The following CDHR3 variants were observed in gnomAD, a reference collection of about 807,000 sequenced individuals.
CDHR3 encodes cadherin related family member 3.
A neutral mutation model predicts 86.6 loss-of-function variants in CDHR3; 79 were observed. That is an observed-to-expected ratio of 0.91 (90% CI 0.76 to 1.10). CDHR3 has a LOEUF of 1.10. Among genes scored for constraint, CDHR3 ranks in the 50% least tolerant of loss-of-function variants. The pLI is 0.00. For synonymous variants in CDHR3, 421 were observed against 402.4 expected, an observed-to-expected ratio of 1.05 and a Z score of -0.55; for missense variants, 1,081 against 1,077.6, an observed-to-expected ratio of 1.00 and a Z score of -0.04.
chr7:105,994,788 C>T lies in CDHR3; in HGVS notation c.551C>T (p.Ser184Phe). 1 of 1,612,732 alleles carries T rather than the reference C, an allele frequency of 6.2e-7. No homozygotes were observed. The change falls in exon 5 of 19, where the codon TCT becomes TTT. Residue 184 changes from serine (S) to phenylalanine (F), a missense_variant. Physicochemically the swap from Ser to Phe is radical, Grantham distance 155. Transcript: ENST00000317716. ...TCTCCCCCAAAGAGCTTCAGAATGT[C>T]TGCTAATGGCACCCTCTTCTCCACA... ...LISPPKSFRM[S>F]ANGTLFSTTE...
chr7:106,004,693 C>T lies in CDHR3; in HGVS notation c.1052+6C>T. ...TGCCAAAAGTTCACCTTCAGGTATG[C>T]ACACTTTGAAAGTTGGGCTGGACAT... On this transcript the variant is annotated splice_donor_region_variant and intron_variant, in intron 8 of 18. Coordinates refer to ENST00000317716, the MANE Select transcript of CDHR3 (RefSeq NM_152750.5). 6.2e-7 allele frequency: 1 copy of T among 1,613,836 alleles called. No individual in the cohort carries two copies. The highest frequency in any genetic ancestry group is 1.3e-5 in the African/African-American group (1 of 75,050).
chr7:106,019,673 C>T (rs975745159), intron 12 of CDHR3, among the ~76,000 whole-genome samples: 1 of 152,162 alleles, frequency 6.6e-6, no homozygotes, highest in African/African-American at 2.4e-5. Flanking sequence ...TAGGCTGGCC[C>T]CTGCTTATGG....
chr7:106,032,313 C>A, intron 18 of CDHR3, 80 bp from the exon 19 acceptor site: 1 of 1,367,760 alleles, frequency 7.3e-7, no homozygotes, highest in Non-Finnish European at 1.0e-6. Flanking sequence ...GGAGTCAGAA[C>A]AGAGCAGGGT....
rs987903222 is a variant in CDHR3 at position 106,027,955 on chromosome 7, T to C, written c.2273-596T>C. Among the ~76,000 whole-genome samples the C allele has an allele frequency of 2.0e-5, 3 of 151,704 alleles. No homozygotes were observed. The South Asian group carries it at 6.3e-4, about 32-fold the overall frequency. On this transcript the variant is annotated intron_variant, in intron 16 of 18. Coordinates refer to ENST00000317716, the MANE Select transcript of CDHR3 (RefSeq NM_152750.5). Reference sequence around the variant, plus strand: ...GCTTGGGCAAGATAGTGAAACCCTGTCTGTAGAAAAAAAATTTTTAAATTA... The same window carrying C: ...GCTTGGGCAAGATAGTGAAACCCTGCCTGTAGAAAAAAAATTTTTAAATTA...
intron 1 of CDHR3, among the ~76,000 whole-genome samples, chr7:105,969,660 C>G (rs1421480687): frequency 6.6e-6 from 1 of 152,202 alleles, no homozygotes; most frequent in African/African-American, 2.4e-5. Context: ...TGTTCCTGAT[C>G]CAAGACAGTG....
At chr7:106,007,385 T>G (rs929028258) in intron 8 of CDHR3, among the ~76,000 whole-genome samples, 2 of 152,254 alleles carry the variant, frequency 1.3e-5, no homozygotes, top group South Asian at 2.1e-4. Context: ...TCTATCGCAT[T>G]GTCAGGCTGC....
chr7:106,017,680 G>T (rs935427675), intron 11 of CDHR3, among the ~76,000 whole-genome samples, 166 bp from the exon 12 acceptor site: 1 of 151,896 alleles, frequency 6.6e-6, no homozygotes, highest in African/African-American at 2.4e-5. Context: ...GCGGGTGTTG[G>T]TTAGCATTAT....
intron 6 of CDHR3, among the ~76,000 whole-genome samples, chr7:105,996,820 G>A (rs899725074): frequency 1.3e-5 from 2 of 152,134 alleles, no homozygotes; most frequent in African/African-American, 4.8e-5. Flanking sequence ...GTTTCTTCCT[G>A]CCATGGTGGA....
At position 105,984,884 on chromosome 7, in the gene CDHR3, C is replaced by A. The variant is rs573805500; in HGVS notation, c.513+595C>A. Among the ~76,000 whole-genome samples the A allele has an allele frequency of 2.2e-4, 33 of 152,134 alleles. 1 individual carries two copies. In the South Asian group the frequency reaches 4.4e-3, roughly 20 times the overall value. On this transcript the variant is annotated intron_variant, in intron 4 of 18. Coordinates refer to ENST00000317716, the MANE Select transcript of CDHR3 (RefSeq NM_152750.5). Reference sequence around the variant, plus strand: ...GACCAGCCTAGGCAACATAGTGAGACCTCGTCTCTACAAAAAATAAAAAAA... The same window carrying A: ...GACCAGCCTAGGCAACATAGTGAGAACTCGTCTCTACAAAAAATAAAAAAA...
At chr7:105,966,952 C>CTT (rs77398486) in intron 1 of CDHR3, among the ~76,000 whole-genome samples, 66 of 150,110 alleles carry the variant, frequency 4.4e-4, no homozygotes, top group Middle Eastern at 3.4e-3. Context: ...ACCACAATTA[C>CTT]TTTTTTTTTT....
At chr7:105,986,639 G>A (rs551655931) in intron 4 of CDHR3, among the ~76,000 whole-genome samples, 8 of 152,278 alleles carry the variant, frequency 5.3e-5, no homozygotes, top group South Asian at 2.1e-4. Flanking sequence ...ATGGGCAGTC[G>A]TGTAGAATCG....
At chr7:105,999,053 G>A (rs185587016) in intron 6 of CDHR3, among the ~76,000 whole-genome samples, 3 of 152,340 alleles carry the variant, frequency 2.0e-5, no homozygotes, top group East Asian at 1.9e-4. Flanking sequence ...CCTTCCCTGT[G>A]AGTGTGGCCA....
In CDHR3 at chr7:106,013,401, A is replaced by T. The variant is rs79890287; in HGVS notation, c.1224+370A>T. 7.5e-3 allele frequency among the ~76,000 whole-genome samples: 1,137 copies of T among 152,300 alleles called. 15 individuals are homozygous for T. Among genetic ancestry groups the T allele is most frequent in the African/African-American group, 0.026 (1,090 of 41,552 alleles). ...CTGTGAGGTGAGAGAAAGCAGGGCC[A>T]GGACCTTGAGTATGTCTGGGTAAAT... On this transcript the variant is annotated intron_variant, in intron 9 of 18. Coordinates refer to ENST00000317716, the MANE Select transcript of CDHR3 (RefSeq NM_152750.5).
chr7:105,991,551 C>T (rs530384903), intron 4 of CDHR3, among the ~76,000 whole-genome samples: 2 of 152,050 alleles, frequency 1.3e-5, no homozygotes, highest in African/African-American at 4.8e-5. Context: ...GACTGTGGGC[C>T]CAACTGGAGA....
At chr7:106,020,831 T>C (rs1034310486) in intron 13 of CDHR3, among the ~76,000 whole-genome samples, 3 of 152,140 alleles carry the variant, frequency 2.0e-5, no homozygotes, top group African/African-American at 7.2e-5. Context: ...ACACAAAATC[T>C]AGCAGCCCCT....
Position 105,994,825 on chromosome 7 carries a change from C to A in CDHR3, c.588C>A (p.Asp196Glu), listed in dbSNP as rs755031241. Reference sequence around the variant, plus strand: ...CCCTCTTCTCCACAACAGAATTGGACTTTGAAGCAGGACACAGAAGGTAGT... The same window carrying A: ...CCCTCTTCTCCACAACAGAATTGGAATTTGAAGCAGGACACAGAAGGTAGT... Reference protein sequence around the residue: ...NGTLFSTTELDFEAGHRSFHL... With the variant: ...NGTLFSTTELEFEAGHRSFHL... The change falls in exon 5 of 19, where the codon GAC becomes GAA. Residue 196 changes from aspartate (D) to glutamate (E), a missense_variant. Transcript: ENST00000317716. 9 of 1,610,512 alleles carry A rather than the reference C, an allele frequency of 5.6e-6. No individual in the cohort carries two copies. The South Asian group carries it at 1.0e-4, about 18-fold the overall frequency.
chr7:105,975,112 G>A (rs1252270745), intron 2 of CDHR3, 66 bp downstream of exon 2: 1 of 1,285,030 alleles, frequency 7.8e-7, no homozygotes. Flanking sequence ...GAGGGTGGAT[G>A]GGATGCCAGA....
intron 15 of CDHR3, among the ~76,000 whole-genome samples, chr7:106,025,930 C>G (rs1217918894): frequency 1.3e-5 from 2 of 152,126 alleles, no homozygotes; most frequent in Non-Finnish European, 2.9e-5. Flanking sequence ...GTGTACTGTA[C>G]TGGGATTTGG....
chr7:106,003,809 A>G (rs932312139), intron 7 of CDHR3, among the ~76,000 whole-genome samples: 1 of 152,094 alleles, frequency 6.6e-6, no homozygotes, highest in Non-Finnish European at 1.5e-5. Flanking sequence ...TGCCTCTGAA[A>G]ACATCCTGAT....
Sources: allele counts gnomAD v4.1 joint callset (sites outside exome capture counted in the v4.1 genomes callset), GRCh38; gene constraint gnomAD v4.1.1; transcripts MANE v1.5; gene names NCBI Gene and HGNC (gene_info 2026-07-23, HGNC 2026-07-21).